Variants in ROCK1 observed in about 807,000 individuals in gnomAD.
The protein encoded by ROCK1 is Rho associated coiled-coil containing protein kinase 1.
A neutral mutation model predicts 196.8 loss-of-function variants in ROCK1; 36 were observed. That is an observed-to-expected ratio of 0.18 (90% CI 0.14 to 0.24). The LOEUF is 0.24. Among genes scored for constraint, ROCK1 ranks in the 10% least tolerant of loss-of-function variants. The probability of loss-of-function intolerance (pLI) is 1.00; values close to 1 mark genes in which losing one functional copy is unlikely to be tolerated. For missense variants in ROCK1, 920 were observed against 1,562.0 expected, an observed-to-expected ratio of 0.59 and a Z score of 6.93; for synonymous variants, 443 against 515.9, an observed-to-expected ratio of 0.86 and a Z score of 1.91.
intron 13 of ROCK1, among the ~76,000 whole-genome samples, chr18:21,010,412 T>C (rs947891852): frequency 3.3e-5 from 5 of 152,262 alleles, no homozygotes; most frequent in African/African-American, 1.2e-4. Flanking sequence ...TGTTCAAATA[T>C]TTTGTAAAGA....
chr18:20,991,640 T>C (rs1282713716), intron 17 of ROCK1, among the ~76,000 whole-genome samples: 2 of 149,010 alleles, frequency 1.3e-5, no homozygotes, highest in African/African-American at 2.5e-5. Flanking sequence ...TTTTCTTTTC[T>C]TTTTTTTTTA....
intron 9 of ROCK1, among the ~76,000 whole-genome samples, chr18:21,037,919 G>A (rs1405223214): frequency 6.6e-6 from 1 of 151,960 alleles, no homozygotes; most frequent in African/African-American, 2.4e-5. Context: ...TCAAGTGATC[G>A]GTTTTTCAAT....
At position 20,948,813 on chromosome 18, in the gene ROCK1, A is replaced by T. The variant is rs1233877331; in HGVS notation, c.*2571T>A. ...AGACGTGAGATGCAGGCTGTGCTAA[A>T]TGCCAGCAAGCAGGGTCATGGAAGT... is the stretch of plus-strand genomic sequence containing the variant. On this transcript the variant is annotated 3_prime_UTR_variant, in exon 33 of 33. Coordinates refer to ENST00000399799, the MANE Select transcript of ROCK1 (RefSeq NM_005406.3). 4 of 152,198 alleles carry T rather than the reference A, an allele frequency of 2.6e-5. No individual in the cohort carries two copies. The highest frequency in any genetic ancestry group is 9.7e-5 in the African/African-American group (4 of 41,406). 9.4% of individuals were successfully genotyped at this position (152,198 alleles called of 1,614,324 possible). A position where few individuals can be genotyped will look rare whatever the true frequency, so the allele number is the denominator to read the frequency against.
chr18:20,983,820 G>A (rs1341446684), intron 20 of ROCK1, among the ~76,000 whole-genome samples: 3 of 152,008 alleles, frequency 2.0e-5, no homozygotes, highest in Non-Finnish European at 2.9e-5. Context: ...TAAAATAAAC[G>A]TGGAGGAAAT....
chr18:21,026,657 C>T (rs539251552), intron 10 of ROCK1, among the ~76,000 whole-genome samples: 3 of 152,042 alleles, frequency 2.0e-5, no homozygotes, highest in South Asian at 4.2e-4. Flanking sequence ...TTCAAAAAGC[C>T]GGACTAAATT....
chr18:21,082,749 T>C lies in ROCK1; in HGVS notation c.94-12136A>G, dbSNP rs2036493371. Among the ~76,000 whole-genome samples, 2 of 152,162 alleles carry C rather than the reference T, an allele frequency of 1.3e-5. 1 individual carries two copies. Among genetic ancestry groups the C allele is most frequent in the South Asian group, 4.1e-4 (2 of 4,824 alleles). Reference sequence around the variant, plus strand: ...TACTCAATGATGAAAGACTGAAAGCTTTTCTCCTGAGATCAGGAACAAGAC... The same window carrying C: ...TACTCAATGATGAAAGACTGAAAGCCTTTCTCCTGAGATCAGGAACAAGAC... On this transcript the variant is annotated intron_variant, in intron 1 of 32. Coordinates refer to ENST00000399799, the MANE Select transcript of ROCK1 (RefSeq NM_005406.3).
At chr18:21,071,468 C>G (rs926282860) in intron 1 of ROCK1, among the ~76,000 whole-genome samples, 2 of 152,094 alleles carry the variant, frequency 1.3e-5, no homozygotes, top group African/African-American at 4.8e-5. Flanking sequence ...TGAGCCACCA[C>G]GCCTGGCCGA....
intron 10 of ROCK1, among the ~76,000 whole-genome samples, chr18:21,026,706 C>T (rs2035960689): frequency 6.6e-6 from 1 of 151,978 alleles, no homozygotes; most frequent in African/African-American, 2.4e-5. Context: ...ATGGCTCTTA[C>T]ACTAAAATGA....
rs543432295 is a variant in ROCK1, at chr18:21,107,593, C to CAAGAACA, written c.93+3218_93+3224dup. Among the ~76,000 whole-genome samples, 20 of 152,222 alleles carry CAAGAACA rather than the reference C, an allele frequency of 1.3e-4. No homozygotes were observed. The South Asian group carries it at 2.9e-3, about 22-fold the overall frequency. On this transcript the variant is annotated intron_variant, in intron 1 of 32. Coordinates refer to ENST00000399799, the MANE Select transcript of ROCK1 (RefSeq NM_005406.3). Reference sequence around the variant, plus strand: ...GGTCCAAAGTCCAGATAGGGAAGAACAAGAACAGACTCACTGAAAAAGCTG... The same window carrying CAAGAACA: ...GGTCCAAAGTCCAGATAGGGAAGAACAAGAACAAAGAACAGACTCACTGAAAAAGCTG...
intron 16 of ROCK1, among the ~76,000 whole-genome samples, chr18:21,001,298 A>T (rs2035721965): frequency 6.6e-6 from 1 of 152,226 alleles, no homozygotes; most frequent in South Asian, 2.1e-4. Context: ...GGGGCAGCTT[A>T]ATGGATCCTA....
chr18:21,008,292 A>T, intron 13 of ROCK1, 98 bp from the exon 14 acceptor site: 1 of 903,432 alleles, frequency 1.1e-6, no homozygotes, highest in Admixed American at 2.9e-5. Context: ...AAGAAAAAAA[A>T]AAAGACAAAC....
chr18:21,032,004 T>C (rs2036012667), intron 9 of ROCK1, among the ~76,000 whole-genome samples: 1 of 152,112 alleles, frequency 6.6e-6, no homozygotes, highest in South Asian at 2.1e-4. Context: ...CAGACCAACA[T>C]ACACATTATG....
intron 7 of ROCK1, 85 bp downstream of exon 7, chr18:21,042,480 T>G (rs913673041): frequency 3.0e-6 from 4 of 1,337,466 alleles, no homozygotes; most frequent in Non-Finnish European, 4.1e-6. Context: ...GATTGCTTAA[T>G]ATAATAAATA....
chr18:20,973,149 G>C (rs758864415), intron 22 of ROCK1, among the ~76,000 whole-genome samples: 1 of 152,222 alleles, frequency 6.6e-6, no homozygotes, highest in African/African-American at 2.4e-5. Context: ...AAAGTGCTGG[G>C]ATTACAGGCG....
At chr18:21,052,440 T>C (rs1037844627) in intron 2 of ROCK1, among the ~76,000 whole-genome samples, 4 of 152,218 alleles carry the variant, frequency 2.6e-5, no homozygotes, top group African/African-American at 9.6e-5. Context: ...AAACCCACTC[T>C]TGGTCTAGGG....
intron 1 of ROCK1, among the ~76,000 whole-genome samples, chr18:21,092,845 T>C (rs1179832621): frequency 6.6e-6 from 1 of 152,184 alleles, no homozygotes; most frequent in African/African-American, 2.4e-5. Flanking sequence ...ATCAAGGCAA[T>C]GCAGCACACA....
At chr18:20,974,868 A>C (rs921756205) in intron 22 of ROCK1, among the ~76,000 whole-genome samples, 2 of 152,184 alleles carry the variant, frequency 1.3e-5, no homozygotes, top group African/African-American at 4.8e-5. Flanking sequence ...GCTCCATTTA[A>C]ATATGCTCAA....
chr18:21,063,339 A>G (rs943003271), intron 2 of ROCK1, among the ~76,000 whole-genome samples: 3 of 152,194 alleles, frequency 2.0e-5, no homozygotes, highest in African/African-American at 7.2e-5. Flanking sequence ...ATAGAAGTAC[A>G]TGCTCAGAAG....
chr18:21,020,869 C>T (rs2035907786), intron 11 of ROCK1, among the ~76,000 whole-genome samples: 2 of 152,200 alleles, frequency 1.3e-5, no homozygotes, highest in African/African-American at 4.8e-5. Flanking sequence ...AGGTAATGAT[C>T]CTTGTATGCA....
Sources: gnomAD v4.1 joint callset for allele counts (sites outside exome capture counted in the v4.1 genomes callset) on GRCh38, gnomAD v4.1.1 for gene constraint, MANE v1.5 for transcripts, NCBI Gene and HGNC (gene_info 2026-07-23, HGNC 2026-07-21) for gene names.